The following EIF3A variants were observed in gnomAD, a reference collection of about 807,000 sequenced individuals.
The protein encoded by EIF3A is eukaryotic translation initiation factor 3 subunit A, also known as EIF3, p180 subunit.
A neutral mutation model predicts 186.6 loss-of-function variants in EIF3A; 21 were observed. The observed-to-expected ratio is 0.11, with a 90% confidence interval of 0.08 to 0.16. The LOEUF (loss-of-function observed/expected upper bound fraction) is 0.16, where lower values mean the gene tolerates loss of function less well. Among genes scored for constraint, EIF3A ranks in the 10% least tolerant of loss-of-function variants. The pLI is 1.00. For synonymous variants in EIF3A, 563 were observed against 584.3 expected (o/e 0.96, Z 0.52); for missense variants, 1,306 against 1,796.3 (o/e 0.73, Z 4.93).
chr10:119,042,666 G>T lies in EIF3A; in HGVS notation c.2854C>A (p.Pro952Thr). 1 of 1,614,146 alleles carries T rather than the reference G, an allele frequency of 6.2e-7. No individual in the cohort carries two copies. Among genetic ancestry groups the T allele is most frequent in the South Asian group, 1.1e-5 (1 of 91,074 alleles). The change falls in exon 19 of 22, where the codon CCA becomes ACA. Residue 952 changes from proline to threonine, a missense_variant. Physicochemically the swap from Pro to Thr is conservative, Grantham distance 38. Transcript: ENST00000369144. The surrounding 1 kb of genome is among the most constrained non-coding windows in gnomAD (Gnocchi z 7.8). ...CGCCGGGGAACCCGATCATCGTCTG[G>T]TCTAAGAGAGGGCTCTCTATCTTCA... ...DDEDREPSLR[P>T]DDDRVPRRGM... is the part of the protein sequence containing the mutation.
chr10:119,047,265 C>CCACACA (rs376369567), intron 17 of EIF3A, among the ~76,000 whole-genome samples: 3 of 150,974 alleles, frequency 2.0e-5, no homozygotes, highest in African/African-American at 4.9e-5. Context: ...GAGACTGTCT[C>CCACACA]CACACACACA....
At chr10:119,050,746 T>C in intron 15 of EIF3A, 72 bp from the exon 16 acceptor site, 2 of 1,540,672 alleles carry the variant, frequency 1.3e-6, no homozygotes, top group South Asian at 1.1e-5. Flanking sequence ...AGAAAGCTAT[T>C]AGGTTTACAA....
chr10:119,044,189 C>T, intron 17 of EIF3A, 47 bp from the exon 18 acceptor site: 1 of 1,199,346 alleles, frequency 8.3e-7, no homozygotes, highest in Non-Finnish European at 1.2e-6. Flanking sequence ...TAACCATTTA[C>T]TATTACAACT....
Position 119,065,533 on chromosome 10 carries a change from G to T in EIF3A, c.988C>A (p.Pro330Thr). The change falls in exon 7 of 22, where the codon CCT (proline) becomes ACT (threonine). Residue 330 changes from proline (P) to threonine (T), a missense_variant. Around this residue, in one of 8 missense-constraint regions of EIF3A, gnomAD observed 267 missense variants for 367.8 expected, o/e 0.73. Coordinates refer to ENST00000369144, the MANE Select transcript of EIF3A (RefSeq NM_003750.4). ...ATATCCGTACGCTCAGGAGTAATAG[G>T]GATGGAAAGAGTGGCTAAAAGGACT... ...TRVLLATLSIPITPERTDIAR... is the reference protein window; with the variant it reads ...TRVLLATLSITITPERTDIAR... The T allele has an allele frequency of 6.2e-7, 1 of 1,612,580 alleles. No individual in the cohort carries two copies. The highest frequency in any genetic ancestry group is 8.5e-7 in the Non-Finnish European group (1 of 1,178,836).
intron 12 of EIF3A, among the ~76,000 whole-genome samples, 171 bp downstream of exon 12, chr10:119,057,785 C>A (rs1441857140): frequency 1.3e-5 from 2 of 152,032 alleles, no homozygotes; most frequent in East Asian, 3.9e-4. Context: ...AAAAAAAACA[C>A]AAAACTTCAC....
At chr10:119,046,751 G>A (rs1268013922) in intron 17 of EIF3A, among the ~76,000 whole-genome samples, 1 of 152,082 alleles carries the variant, frequency 6.6e-6, no homozygotes, top group Non-Finnish European at 1.5e-5. Flanking sequence ...CTGAGGTCAG[G>A]AGTTCAAGAC....
At chr10:119,036,306 A>T in intron 21 of EIF3A, 38 bp from the exon 22 acceptor site, 1 of 1,398,672 alleles carries the variant, frequency 7.1e-7, no homozygotes, top group South Asian at 1.3e-5. Context: ...TTAAGTTAGT[A>T]CTATATTCTA....
chr10:119,058,189 G>A lies in EIF3A; in HGVS notation c.1744C>T (p.Leu582Phe). The A allele has an allele frequency of 6.2e-7, 1 of 1,613,966 alleles. No individual in the cohort carries two copies. Among genetic ancestry groups the A allele is most frequent in the Non-Finnish European group, 8.5e-7 (1 of 1,180,002 alleles). Residue 582 changes from leucine (L) to phenylalanine (F), a missense_variant, in exon 12 of 22, where the codon CTT (leucine) becomes TTT (phenylalanine). Physicochemically the swap from Leu to Phe is conservative, Grantham distance 22. Transcript: ENST00000369144. Reference protein sequence around the residue: ...RQTIEERKERLESLNIQREKE... With the variant: ...RQTIEERKERFESLNIQREKE... Reference sequence around the variant, plus strand: ...TCACGCTGAATATTCAGACTCTCAAGGCGCTCTTTTCTCTCCTCAATTGTC... The same window carrying A: ...TCACGCTGAATATTCAGACTCTCAAAGCGCTCTTTTCTCTCCTCAATTGTC...
At chr10:119,057,797 G>T (rs1843813392) in intron 12 of EIF3A, among the ~76,000 whole-genome samples, 159 bp downstream of exon 12, 1 of 152,082 alleles carries the variant, frequency 6.6e-6, no homozygotes, top group Non-Finnish European at 1.5e-5. Flanking sequence ...AAACTTCACA[G>T]AGCAATAAAC....
rs1262652602 is a variant in EIF3A at position 119,069,669 on chromosome 10, ATAAAT to A, written c.742-20_742-16del. The A allele has an allele frequency of 1.5e-6, 2 of 1,370,632 alleles. No individual in the cohort carries two copies. Among genetic ancestry groups the A allele is most frequent in the African/African-American group, 2.9e-5 (2 of 70,140 alleles). The allele number at this position is 1,370,632 out of a possible 1,614,324, so 84.9% of individuals were successfully genotyped here. On this transcript the variant is annotated splice_polypyrimidine_tract_variant and intron_variant, in intron 5 of 21. Transcript: ENST00000369144. ...TTGAATGCTTCCTAAAATTAGGAGT[ATAAAT>A]TAAAGTCATTGCATTCTATAACACG...
intron 6 of EIF3A, among the ~76,000 whole-genome samples, chr10:119,066,095 G>C (rs1353107199): frequency 6.6e-6 from 1 of 151,528 alleles, no homozygotes; most frequent in Non-Finnish European, 1.5e-5. Flanking sequence ...CAGCCTGGGC[G>C]ACAGAGCCAG....
chr10:119,043,924 G>A (rs534021572), intron 18 of EIF3A, 130 bp downstream of exon 18: 4 of 710,654 alleles, frequency 5.6e-6, no homozygotes, highest in East Asian at 5.2e-5. Context: ...AAACCCACAC[G>A]CAATCAGACA....
rs562703348 is a variant in EIF3A, at chr10:119,068,232, G to A, written c.950+1214C>T. On this transcript the variant is annotated intron_variant, in intron 6 of 21. Coordinates refer to ENST00000369144, the MANE Select transcript of EIF3A (RefSeq NM_003750.4). The stretch of plus-strand genomic sequence containing the variant: ...AGTTTGTTGCTAGAGAAGTTTCTCT[G>A]AACGTGTGGAGCACAGGGAAAAAAT... 5.9e-5 allele frequency among the ~76,000 whole-genome samples: 9 copies of A among 152,294 alleles called. No homozygotes were observed. In the South Asian group the frequency reaches 1.9e-3, roughly 32 times the overall value.
At chr10:119,055,993 G>C (rs112174710) in intron 14 of EIF3A, among the ~76,000 whole-genome samples, 1 of 151,960 alleles carries the variant, frequency 6.6e-6, no homozygotes, top group African/African-American at 2.4e-5. Flanking sequence ...AAAAAAATGG[G>C]AAGGGCTGGC....
At chr10:119,052,368 T>TTTTTTTTTTGTGTGTGTGTGTGTG (rs140398720) in intron 14 of EIF3A, among the ~76,000 whole-genome samples, 1 of 122,972 alleles carries the variant, frequency 8.1e-6, no homozygotes, top group African/African-American at 2.9e-5. Context: ...TTTTTTGGTT[T>TTTTTTTTTTGTGTGTGTGTGTGTG]TGTGTGTGTG....
chr10:119,046,439 A>G (rs1463607550), intron 17 of EIF3A, among the ~76,000 whole-genome samples: 3 of 152,250 alleles, frequency 2.0e-5, no homozygotes, highest in Non-Finnish European at 4.4e-5. Context: ...GATGCAGTGT[A>G]AACATACTTG....
At chr10:119,067,242 CA>C (rs1376254558) in intron 6 of EIF3A, among the ~76,000 whole-genome samples, 1 of 151,252 alleles carries the variant, frequency 6.6e-6, no homozygotes, top group African/African-American at 2.4e-5. Flanking sequence ...ATGTGAATTA[CA>C]TAAGTGACAG....
chr10:119,072,051 GAAAA>G (rs1844083350), intron 4 of EIF3A, among the ~76,000 whole-genome samples: 5 of 100,512 alleles, frequency 5.0e-5, no homozygotes, highest in African/African-American at 1.7e-4. Flanking sequence ...AAAAAAGAAA[GAAAA>G]AAAGAAAGAA....
At chr10:119,075,879 A>ATTTTTTTTTTTTTTTT (rs58100835) in intron 1 of EIF3A, among the ~76,000 whole-genome samples, 2 of 94,070 alleles carry the variant, frequency 2.1e-5, no homozygotes, top group East Asian at 3.3e-4. Flanking sequence ...CGCCTGGCTA[A>ATTTTTTTTTTTTTTTT]TTTTTTTTTT....
Sources: gnomAD v4.1 joint callset for allele counts (sites outside exome capture counted in the v4.1 genomes callset) on GRCh38, gnomAD v4.1.1 for gene constraint, gnomAD v4.1.1 regional missense constraint, Gnocchi (gnomAD v3.1) non-coding constraint, MANE v1.5 for transcripts, NCBI Gene and HGNC (gene_info 2026-07-23, HGNC 2026-07-21) for gene names.